ITSN2: variants seen among roughly 807,000 people sequenced by gnomAD.
ITSN2 encodes the protein intersectin-2.
A neutral mutation model predicts 243.7 loss-of-function variants in ITSN2; 156 were observed. That is an observed-to-expected ratio of 0.64 (90% CI 0.56 to 0.73). The LOEUF is 0.73. Among genes scored for constraint, ITSN2 ranks in the 30% least tolerant of loss-of-function variants. The pLI is 0.00. For synonymous variants in ITSN2, 703 were observed against 699.9 expected, an observed-to-expected ratio of 1.00 and a Z score of -0.07; for missense variants, 1,801 against 1,996.1, an observed-to-expected ratio of 0.90 and a Z score of 1.86.
intron 32 of ITSN2, 107 bp downstream of exon 32, chr2:24,215,941 CT>C: frequency 1.3e-6 from 1 of 753,922 alleles, no homozygotes; most frequent in Non-Finnish European, 2.0e-6. Flanking sequence ...CCTTTGGAAA[CT>C]GATGGGGATG....
At chr2:24,217,867 T>C in intron 31 of ITSN2, 40 bp downstream of exon 31, 1 of 1,419,314 alleles carries the variant, frequency 7.0e-7, no homozygotes, top group Non-Finnish European at 1.0e-6. Flanking sequence ...TCTGGGGGCT[T>C]TGGGGTCAGC....
At chr2:24,239,220 T>A (rs1254091314) in intron 29 of ITSN2, 2 of 152,532 alleles carry the variant, frequency 1.3e-5, no homozygotes, top group Admixed American at 6.6e-5. Flanking sequence ...CAAGAATTCA[T>A]AAACTGGTAA....
chr2:24,227,288 T>G (rs1558451424), intron 29 of ITSN2, among the ~76,000 whole-genome samples: 1 of 114,812 alleles, frequency 8.7e-6, no homozygotes, highest in Admixed American at 8.6e-5. Flanking sequence ...GAGCTCAAAG[T>G]AAAAAAAAAA....
intron 1 of ITSN2, among the ~76,000 whole-genome samples, chr2:24,337,125 T>G (rs1266511433): frequency 6.6e-6 from 1 of 150,706 alleles, no homozygotes; most frequent in Non-Finnish European, 1.5e-5. Context: ...CTGAAGGTTT[T>G]TTATCGAGAG....
intron 24 of ITSN2, 116 bp downstream of exon 24, chr2:24,254,251 G>C (rs1674734947): frequency 1.4e-6 from 1 of 712,836 alleles, no homozygotes; most frequent in Non-Finnish European, 2.5e-6. Flanking sequence ...TAATACTGCA[G>C]ACACAGAAAT....
chr2:24,224,737 G>A (rs762613312), intron 29 of ITSN2, among the ~76,000 whole-genome samples: 1 of 151,914 alleles, frequency 6.6e-6, no homozygotes, highest in Non-Finnish European at 1.5e-5. Flanking sequence ...GGGTTCAAGC[G>A]ATTCTCCTGC....
chr2:24,348,151 G>A (rs1297967360), intron 1 of ITSN2, among the ~76,000 whole-genome samples: 1 of 150,584 alleles, frequency 6.6e-6, no homozygotes, highest in Non-Finnish European at 1.5e-5. Flanking sequence ...GTAAAGAGAA[G>A]GCTATGGTAA....
chr2:24,333,790 G>C (rs1029910916), intron 1 of ITSN2, among the ~76,000 whole-genome samples: 11 of 152,128 alleles, frequency 7.2e-5, no homozygotes, highest in African/African-American at 2.7e-4. Flanking sequence ...AGAAATGCTA[G>C]AACAAAAGCA....
At chr2:24,261,824 A>T in intron 20 of ITSN2, 82 bp from the exon 21 acceptor site, 1 of 1,019,230 alleles carries the variant, frequency 9.8e-7, no homozygotes, top group Non-Finnish European at 1.4e-6. Flanking sequence ...ATTGTATAGT[A>T]TTCTCATTTT....
intron 29 of ITSN2, among the ~76,000 whole-genome samples, chr2:24,237,059 T>C (rs1186494053): frequency 1.3e-5 from 2 of 152,052 alleles, no homozygotes; most frequent in Non-Finnish European, 2.9e-5. Context: ...GGTGGCAATA[T>C]CAGCACACTA....
intron 37 of ITSN2, among the ~76,000 whole-genome samples, chr2:24,207,609 C>T (rs758475647): frequency 1.4e-4 from 21 of 151,936 alleles, no homozygotes; most frequent in South Asian, 2.1e-4. Flanking sequence ...ACTGGGAAGG[C>T]GGCCATGGGG....
At chr2:24,289,776 A>G (rs907713839) in intron 15 of ITSN2, among the ~76,000 whole-genome samples, 4 of 152,166 alleles carry the variant, frequency 2.6e-5, no homozygotes, top group Non-Finnish European at 4.4e-5. Context: ...AACTTTCTTA[A>G]AACATTATGA....
rs1327253663 is a variant in ITSN2, at chr2:24,211,037, T to A, written c.4090-90A>T. 3.4e-5 allele frequency: 43 copies of A among 1,261,880 alleles called. No individual in the cohort carries two copies. The highest frequency in any genetic ancestry group is 4.1e-5 in the Non-Finnish European group (36 of 886,928). 78.2% of individuals were successfully genotyped at this position (1,261,880 alleles called of 1,614,324 possible). A position where few individuals can be genotyped will look rare whatever the true frequency, so the allele number is the denominator to read the frequency against. On this transcript the variant is annotated intron_variant, in intron 33 of 39. Transcript: ENST00000355123. The surrounding 1 kb of genome is among the most constrained non-coding windows in gnomAD (Gnocchi z 4.1). ...GCAGGACCGCTCCTCCAACCCCATG[T>A]TATGGACTGCTTCCATGCCCTGGAA...
At chr2:24,301,860 C>A in intron 10 of ITSN2, 105 bp downstream of exon 10, 1 of 1,116,080 alleles carries the variant, frequency 9.0e-7, no homozygotes. Context: ...TCAAGTATAA[C>A]TTGTTGAATA....
chr2:24,330,631 C>A, intron 1 of ITSN2: 2 of 753,330 alleles, frequency 2.7e-6, no homozygotes, highest in Non-Finnish European at 4.8e-6. Flanking sequence ...GATGCTAAAA[C>A]AGACGGGGCA....
chr2:24,220,738 AT>A lies in ITSN2; in HGVS notation c.3699+206del, dbSNP rs1670365702. 20 of 1,375,612 alleles carry A rather than the reference AT, an allele frequency of 1.5e-5. No homozygotes were observed. In the South Asian group the frequency reaches 3.4e-4, roughly 23 times the overall value. 85.2% of individuals were successfully genotyped at this position (1,375,612 alleles called of 1,614,324 possible). ...TGACCTCATCTGGGGGAAAGAGCTC[AT>A]TAGAGACTTTCAATCTCAAGCATTA... On this transcript the variant is annotated intron_variant, in intron 30 of 39. Transcript: ENST00000355123.
At chr2:24,268,393 G>A (rs1471020366) in intron 20 of ITSN2, among the ~76,000 whole-genome samples, 1 of 152,068 alleles carries the variant, frequency 6.6e-6, no homozygotes, top group East Asian at 1.9e-4. Context: ...CAAAGGATAA[G>A]GTATTCAATC....
At chr2:24,338,977 G>T (rs1179495313) in intron 1 of ITSN2, among the ~76,000 whole-genome samples, 2 of 152,148 alleles carry the variant, frequency 1.3e-5, no homozygotes, top group Non-Finnish European at 2.9e-5. Flanking sequence ...GAGGTCGGTG[G>T]CAAACTGAGT....
Position 24,325,091 on chromosome 2 carries a change from T to C in ITSN2, c.31+2961A>G, listed in dbSNP as rs138186347. On this transcript the variant is annotated intron_variant, in intron 2 of 39. Transcript: ENST00000355123. ...ATCATATTAAAACATAAAGTATTAATGCACCAAGAATTTTCTAGGAACAAA... is the reference window on the plus strand; with the variant it reads ...ATCATATTAAAACATAAAGTATTAACGCACCAAGAATTTTCTAGGAACAAA... 3.7e-4 allele frequency among the ~76,000 whole-genome samples: 56 copies of C among 152,246 alleles called. No individual in the cohort carries two copies. In the East Asian group the frequency reaches 0.011, roughly 29 times the overall value.
Sources: allele counts gnomAD v4.1 joint callset (sites outside exome capture counted in the v4.1 genomes callset), GRCh38; gene constraint gnomAD v4.1.1; non-coding constraint Gnocchi (gnomAD v3.1); transcripts MANE v1.5; gene names NCBI Gene and HGNC (gene_info 2026-07-23, HGNC 2026-07-21).